PHF2: variants seen among roughly 807,000 people sequenced by gnomAD.
The protein encoded by PHF2 is lysine-specific demethylase PHF2.
Under a neutral mutation model 120.5 loss-of-function variants are expected in PHF2, and 27 were observed. The ratio of observed to expected loss-of-function variants is 0.22; its 90% CI spans 0.17 to 0.31. The LOEUF (loss-of-function observed/expected upper bound fraction) is 0.31. Among genes scored for constraint, PHF2 ranks in the 10% least tolerant of loss-of-function variants. PHF2 has a pLI of 1.00. For missense variants in PHF2, 1,024 were observed against 1,434.8 expected, an observed-to-expected ratio of 0.71 and a Z score of 4.63; for synonymous variants, 568 against 592.5, an observed-to-expected ratio of 0.96 and a Z score of 0.60.
rs774344820 is a variant in PHF2 at position 93,678,714 on chromosome 9, C to T, written c.*1038C>T. 30 of 152,680 alleles carry T rather than the reference C, an allele frequency of 2.0e-4. No individual in the cohort carries two copies. The highest frequency in any genetic ancestry group is 5.8e-4 in the African/African-American group (24 of 41,524). 9.5% of individuals were successfully genotyped at this position (152,680 alleles called of 1,614,324 possible). ...GAAGCATATTTTTCATAGAATGTAG[C>T]GTGTAAATAGCTTTTTAAATAACTT... On this transcript the variant is annotated 3_prime_UTR_variant, in exon 22 of 22. Transcript: ENST00000359246.
chr9:93,598,210 A>G (rs1825368825), intron 1 of PHF2, among the ~76,000 whole-genome samples: 1 of 152,232 alleles, frequency 6.6e-6, no homozygotes. Context: ...GAGAGACAGG[A>G]AAAGCCCAAC....
chr9:93,670,131 G>A (rs1027506034), intron 17 of PHF2, among the ~76,000 whole-genome samples: 2 of 152,242 alleles, frequency 1.3e-5, no homozygotes, highest in African/African-American at 2.4e-5. Context: ...TGGGCAGCTC[G>A]AGAGACAGTG....
In PHF2 at chr9:93,676,765, C is replaced by G; in HGVS notation, c.3004C>G (p.Gln1002Glu). ...GGCCTCCACCAGCACGGCCAGCAGC[C>G]AGGCCTCGCAGGAGGGCAGCTCGCC... ...TPASTSTASS[Q>E]ASQEGSSPEP... The change falls in exon 21 of 22, where the codon CAG becomes GAG. Residue 1002 changes from glutamine (Q) to glutamate (E), a missense_variant. Gln to Glu is a conservative substitution (Grantham distance 29). Transcript: ENST00000359246. 6.7e-7 allele frequency: 1 copy of G among 1,498,258 alleles called. No homozygotes were observed. The highest frequency in any genetic ancestry group is 8.9e-7 in the Non-Finnish European group (1 of 1,121,820). The allele number at this position is 1,498,258 out of a possible 1,614,324, so 92.8% of individuals were successfully genotyped here.
chr9:93,669,083 G>A (rs1411672359), intron 17 of PHF2, among the ~76,000 whole-genome samples: 3 of 152,220 alleles, frequency 2.0e-5, no homozygotes, highest in Non-Finnish European at 2.9e-5. Flanking sequence ...CTAGTTAGAC[G>A]TTGCTCATTG....
chr9:93,631,772 G>A (rs1393384303), intron 2 of PHF2, among the ~76,000 whole-genome samples: 2 of 150,088 alleles, frequency 1.3e-5, no homozygotes, highest in Non-Finnish European at 3.0e-5. Context: ...GCTTTCCTGG[G>A]GGGTAGGACC....
rs1385666606 is a variant in PHF2 at position 93,675,689 on chromosome 9, G to T, written c.2732G>T (p.Gly911Val). Reference protein sequence around the residue: ...DAPYSPTARVGPSVPRQDRPV... With the variant: ...DAPYSPTARVVPSVPRQDRPV... ...CCCTTCTTTTCCACAGCAAGGGTCG[G>T]CCCATCGGTGCCAAGACAGGACAGG... Residue 911 changes from glycine to valine, a missense_variant, in exon 20 of 22, where the codon GGC (glycine) becomes GTC (valine). By Grantham distance (109) the Gly-to-Val change is moderately radical. Transcript: ENST00000359246. 1 of 1,611,464 alleles carries T rather than the reference G, an allele frequency of 6.2e-7. No individual in the cohort carries two copies. Among genetic ancestry groups the T allele is most frequent in the Admixed American group, 1.7e-5 (1 of 59,936 alleles).
At chr9:93,641,103 G>A (rs1215835039) in intron 3 of PHF2, among the ~76,000 whole-genome samples, 2 of 152,140 alleles carry the variant, frequency 1.3e-5, no homozygotes, top group African/African-American at 4.8e-5. Flanking sequence ...GAGTCTCTGG[G>A]CTGTGATCAT....
At chr9:93,614,985 GATGATGATGATGGTGATGATGATAGTA>G (rs1825700526) in intron 1 of PHF2, among the ~76,000 whole-genome samples, 1 of 151,262 alleles carries the variant, frequency 6.6e-6, no homozygotes, top group South Asian at 2.1e-4. Context: ...CGGTAATGGT[GATGATGATGATGGTGATGATGATAGTA>G]ATGATGGTGA....
chr9:93,605,276 G>A (rs575593964), intron 1 of PHF2, among the ~76,000 whole-genome samples: 4 of 152,098 alleles, frequency 2.6e-5, no homozygotes, highest in African/African-American at 7.2e-5. Context: ...GGAGTGCAGT[G>A]GTGTGATTAG....
At position 93,652,271 on chromosome 9, in the gene PHF2, C is replaced by T. The variant is rs117139400; in HGVS notation, c.603-908C>T. On this transcript the variant is annotated intron_variant, in intron 5 of 21. Transcript: ENST00000359246. Reference sequence around the variant, plus strand: ...TAGTGGCAGCTGAAATGTCACTGCACGGGTGCTGTTGAGCTTGACTTTTTT... The same window carrying T: ...TAGTGGCAGCTGAAATGTCACTGCATGGGTGCTGTTGAGCTTGACTTTTTT... 1.0e-2 allele frequency among the ~76,000 whole-genome samples: 1,441 copies of T among 144,508 alleles called. 7 individuals carry two copies. Among genetic ancestry groups the T allele is most frequent in the Non-Finnish European group, 0.017 (1,124 of 66,944 alleles). 94.8% of individuals were successfully genotyped at this position (144,508 alleles called of 152,430 possible).
intron 3 of PHF2, among the ~76,000 whole-genome samples, chr9:93,637,205 C>G (rs55783552): frequency 0.06 from 9,206 of 152,310 alleles, 390 homozygotes; most frequent in Non-Finnish European, 0.088. Context: ...TCCCTTCTTG[C>G]ATGTGTGATT....
chr9:93,653,659 G>A (rs1014363467), intron 6 of PHF2, among the ~76,000 whole-genome samples: 2 of 152,202 alleles, frequency 1.3e-5, no homozygotes, highest in Non-Finnish European at 2.9e-5. Context: ...GGGGAATGTT[G>A]CAAAAACATC....
At chr9:93,596,409 G>A (rs1825333380) in intron 1 of PHF2, among the ~76,000 whole-genome samples, 2 of 152,264 alleles carry the variant, frequency 1.3e-5, no homozygotes, top group South Asian at 2.1e-4. Flanking sequence ...ATGAAGAAAT[G>A]CGTGTGCACT....
intron 1 of PHF2, among the ~76,000 whole-genome samples, chr9:93,583,160 A>G (rs1220948440): frequency 6.6e-6 from 1 of 152,240 alleles, no homozygotes; most frequent in Non-Finnish European, 1.5e-5. Context: ...GAATAGAATC[A>G]TACAATATGT....
At chr9:93,589,521 T>C (rs557208183) in intron 1 of PHF2, among the ~76,000 whole-genome samples, 47 of 152,216 alleles carry the variant, frequency 3.1e-4, no homozygotes, top group Non-Finnish European at 6.6e-4. Flanking sequence ...GACACAGTTA[T>C]ACCCAGTTGA....
intron 18 of PHF2, 80 bp downstream of exon 18, chr9:93,673,942 C>A (rs1826858165): frequency 7.0e-7 from 1 of 1,423,050 alleles, no homozygotes; most frequent in Middle Eastern, 1.9e-4. Flanking sequence ...GTAGCATAAA[C>A]ATGCAGCTCT....
At chr9:93,604,469 CTTT>C (rs767869117) in intron 1 of PHF2, among the ~76,000 whole-genome samples, 1 of 141,430 alleles carries the variant, frequency 7.1e-6, no homozygotes. Context: ...TATTTTCTTT[CTTT>C]TTTTTTTTTT....
Position 93,603,031 on chromosome 9 carries a change from TG to T in PHF2, c.98+26165del, listed in dbSNP as rs1299637616. Reference sequence around the variant, plus strand: ...TTGGACTGGGAGGGGGGCGCGGAGGTGGGGGCCAAGAAATGTAGTGGGTGAC... The same window carrying T: ...TTGGACTGGGAGGGGGGCGCGGAGGTGGGGCCAAGAAATGTAGTGGGTGAC... On this transcript the variant is annotated intron_variant, in intron 1 of 21. Coordinates refer to ENST00000359246, the MANE Select transcript of PHF2 (RefSeq NM_005392.4). Among the ~76,000 whole-genome samples the T allele has an allele frequency of 1.3e-5, 2 of 149,386 alleles. 1 individual carries two copies. Among genetic ancestry groups the T allele is most frequent in the East Asian group, 4.1e-4 (2 of 4,918 alleles).
Position 93,644,035 on chromosome 9 carries a change from G to C in PHF2, c.300-1594G>C, listed in dbSNP as rs530981470. On this transcript the variant is annotated intron_variant, in intron 3 of 21. Coordinates refer to ENST00000359246, the MANE Select transcript of PHF2 (RefSeq NM_005392.4). ...TGTGCCCCCACTCTGCCCTGCTGCA[G>C]GCCACTGTCCGCACAGCAATGGACA... 1.3e-4 allele frequency among the ~76,000 whole-genome samples: 20 copies of C among 152,230 alleles called. No individual in the cohort carries two copies. The East Asian group carries it at 3.9e-3, about 29-fold the overall frequency.
Sources: allele counts gnomAD v4.1 joint callset (sites outside exome capture counted in the v4.1 genomes callset), GRCh38; gene constraint gnomAD v4.1.1; transcripts MANE v1.5; gene names NCBI Gene and HGNC (gene_info 2026-07-23, HGNC 2026-07-21).